Variants in SLMAP observed in about 807,000 individuals in gnomAD.
SLMAP encodes sarcolemma associated protein, also known as sarcolemmal membrane-associated protein.
In SLMAP, 44 loss-of-function variants were observed where a neutral mutation model predicts 128.8. That is an observed-to-expected ratio of 0.34 (90% CI 0.27 to 0.44). The LOEUF (loss-of-function observed/expected upper bound fraction) is 0.44, where lower values mean the gene tolerates loss of function less well. Among genes scored for constraint, SLMAP ranks in the 20% least tolerant of loss-of-function variants. The pLI is 1.00. For synonymous variants in SLMAP, 327 were observed against 348.8 expected (o/e 0.94, Z 0.70); for missense variants, 787 against 985.3 (o/e 0.80, Z 2.69).
At chr3:57,847,138 A>G (rs911801896) in intron 4 of SLMAP, 59 bp from the exon 5 acceptor site, 9 of 1,115,886 alleles carry the variant, frequency 8.1e-6, no homozygotes, top group Non-Finnish European at 1.2e-5. Context: ...TGGTGCTCTC[A>G]TACTCTGTTT....
At chr3:57,898,377 G>A (rs1422972625) in intron 17 of SLMAP, 1 of 152,140 alleles carries the variant, frequency 6.6e-6, no homozygotes, top group Non-Finnish European at 1.5e-5. Flanking sequence ...AATGAGTAAT[G>A]AACACACCCA....
At chr3:57,828,004 A>G (rs1041719951) in intron 2 of SLMAP, among the ~76,000 whole-genome samples, 11 of 152,212 alleles carry the variant, frequency 7.2e-5, no homozygotes, top group Non-Finnish European at 1.2e-4. Context: ...TGAAGTGTGC[A>G]GTGGCACGAT....
At chr3:57,845,466 T>C (rs975327221) in intron 4 of SLMAP, among the ~76,000 whole-genome samples, 1 of 152,222 alleles carries the variant, frequency 6.6e-6, no homozygotes, top group African/African-American at 2.4e-5. Flanking sequence ...ATCAAAATTA[T>C]TCCTATTTTT....
chr3:57,791,779 A>G (rs1031920705), intron 2 of SLMAP, among the ~76,000 whole-genome samples: 1 of 152,160 alleles, frequency 6.6e-6, no homozygotes, highest in Non-Finnish European at 1.5e-5. Context: ...GAACCAATTT[A>G]TATCTTTTAC....
intron 2 of SLMAP, among the ~76,000 whole-genome samples, chr3:57,796,504 G>A (rs901369273): frequency 1.2e-4 from 19 of 152,138 alleles, no homozygotes; most frequent in African/African-American, 4.6e-4. Context: ...TCCCTCATAG[G>A]ATTGTTGCAA....
At chr3:57,831,262 A>T (rs753861756) in intron 2 of SLMAP, 121 bp from the exon 3 acceptor site, 62 of 604,978 alleles carry the variant, frequency 1.0e-4, no homozygotes, top group Admixed American at 4.0e-4. Context: ...AGTGGTTTGA[A>T]TTAATAGGGG....
chr3:57,817,543 C>T (rs954137610), intron 2 of SLMAP, among the ~76,000 whole-genome samples: 1 of 152,126 alleles, frequency 6.6e-6, no homozygotes, highest in African/African-American at 2.4e-5. Context: ...TGGGAATACC[C>T]CAATCTTCAA....
At chr3:57,886,501 A>G (rs2095890745) in intron 14 of SLMAP, among the ~76,000 whole-genome samples, 2 of 152,128 alleles carry the variant, frequency 1.3e-5, no homozygotes, top group African/African-American at 4.8e-5. Context: ...AAAATATGAT[A>G]CCAGATTTTT....
chr3:57,864,483 T>A, intron 10 of SLMAP, 65 bp from the exon 11 acceptor site: 1 of 1,113,810 alleles, frequency 9.0e-7, no homozygotes, highest in Non-Finnish European at 1.3e-6. Context: ...ATAAAGGCAT[T>A]CCTGGGGCTC....
chr3:57,801,938 G>T, intron 2 of SLMAP, among the ~76,000 whole-genome samples: 1 of 151,922 alleles, frequency 6.6e-6, no homozygotes, highest in Non-Finnish European at 1.5e-5. Flanking sequence ...TGCTACATTT[G>T]ACAGTAACAA....
Position 57,841,360 on chromosome 3 carries a change from G to T in SLMAP, c.408G>T (p.Arg136=), listed in dbSNP as rs145924069. ...TTCTACCAGATGGTATGGAAGCCCG[G>T]CTCCGCTCAGAGTGAGTATAATTTA... ...KLFLPDGMEA[R]LRSDVIHAPL... Residue 136 remains arginine, a synonymous_variant, in exon 4 of 25, where the codon CGG becomes CGT. Coordinates refer to ENST00000671191, the MANE Select transcript of SLMAP (RefSeq NM_001377540.1). 64 of 1,604,940 alleles carry T rather than the reference G, an allele frequency of 4.0e-5. No homozygotes were observed. The highest frequency in any genetic ancestry group is 2.2e-4 in the Admixed American group (13 of 59,406).
chr3:57,794,434 A>G (rs2086238840), intron 2 of SLMAP, among the ~76,000 whole-genome samples: 1 of 152,138 alleles, frequency 6.6e-6, no homozygotes, highest in Admixed American at 6.6e-5. Context: ...TTTTTTATGA[A>G]TTTCTCAACC....
intron 3 of SLMAP, among the ~76,000 whole-genome samples, chr3:57,834,342 A>G (rs1434987174): frequency 6.6e-6 from 1 of 152,162 alleles, no homozygotes. Flanking sequence ...GAACAAGGTA[A>G]TTAATAAACC....
chr3:57,915,201 T>TCTA (rs2096786064), intron 21 of SLMAP, among the ~76,000 whole-genome samples: 2 of 152,180 alleles, frequency 1.3e-5, no homozygotes, highest in Admixed American at 1.3e-4. Context: ...TCAGGCTAGA[T>TCTA]CCCTTATTTT....
At chr3:57,915,143 C>T (rs2096784151) in intron 21 of SLMAP, among the ~76,000 whole-genome samples, 1 of 152,198 alleles carries the variant, frequency 6.6e-6, no homozygotes, top group Non-Finnish European at 1.5e-5. Context: ...GCTGGGATTA[C>T]AGGCGTAAGC....
chr3:57,762,518 T>C (rs1312239479), intron 2 of SLMAP, among the ~76,000 whole-genome samples: 4 of 152,202 alleles, frequency 2.6e-5, no homozygotes, highest in African/African-American at 4.8e-5. Context: ...GAATATCTTA[T>C]TGTATAATAC....
chr3:57,869,574 A>T (rs1471484945), intron 13 of SLMAP, among the ~76,000 whole-genome samples: 1 of 143,476 alleles, frequency 7.0e-6, no homozygotes, highest in East Asian at 2.2e-4. Flanking sequence ...CTACAATCAC[A>T]CCTGTGAATA....
At chr3:57,875,202 A>G (rs1205428464) in intron 14 of SLMAP, among the ~76,000 whole-genome samples, 2 of 152,202 alleles carry the variant, frequency 1.3e-5, no homozygotes, top group Admixed American at 6.5e-5. Context: ...ATAAAATCCC[A>G]TTTTTGTGTA....
At chr3:57,795,357 G>A (rs945590480) in intron 2 of SLMAP, among the ~76,000 whole-genome samples, 18 of 152,106 alleles carry the variant, frequency 1.2e-4, no homozygotes, top group African/African-American at 2.7e-4. Context: ...GGCCAGCGTC[G>A]TGAAACCCCG....
Sources: gnomAD v4.1 joint callset for allele counts (sites outside exome capture counted in the v4.1 genomes callset) on GRCh38, gnomAD v4.1.1 for gene constraint, MANE v1.5 for transcripts, NCBI Gene and HGNC (gene_info 2026-07-23, HGNC 2026-07-21) for gene names.